TOM1L2: variants seen among roughly 807,000 people sequenced by gnomAD.
TOM1L2 encodes the protein TOM1-like protein 2.
TOM1L2 carries 31 observed loss-of-function variants against 67.9 expected under a neutral mutation model. The ratio of observed to expected loss-of-function variants is 0.46; its 90% CI spans 0.34 to 0.62. The LOEUF (loss-of-function observed/expected upper bound fraction) is 0.62, where lower values mean the gene tolerates loss of function less well. TOM1L2 is among the 20% of genes least tolerant of loss of function. The pLI, the probability that TOM1L2 is intolerant of heterozygous loss-of-function variation, is 0.01. For synonymous variants in TOM1L2, 256 were observed against 254.0 expected (o/e 1.01, Z -0.07); for missense variants, 606 against 663.5 (o/e 0.91, Z 0.95).
intron 1 of TOM1L2, among the ~76,000 whole-genome samples, chr17:17,950,506 C>T (rs1418949471): frequency 6.6e-6 from 1 of 151,878 alleles, no homozygotes; most frequent in African/African-American, 2.4e-5. Flanking sequence ...CTTACCAAGG[C>T]CGGCCTCAAG....
rs746931125 is a variant in TOM1L2 at position 17,930,359 on chromosome 17, T to TA, written c.53-22829dup. Among the ~76,000 whole-genome samples the TA allele has an allele frequency of 1.3e-3, 202 of 151,802 alleles. 1 individual carries two copies. Among genetic ancestry groups the TA allele is most frequent in the Admixed American group, 4.1e-3 (62 of 15,230 alleles). On this transcript the variant is annotated intron_variant, in intron 1 of 14. Transcript: ENST00000379504. ...AATCAGAGACTCTTGTGAAAGTGGT[T>TA]AAAAAAAAGGGGGGTCTGGGAATGT...
chr17:17,920,057 C>T (rs111347018), intron 1 of TOM1L2, among the ~76,000 whole-genome samples: 38 of 152,208 alleles, frequency 2.5e-4, no homozygotes, highest in African/African-American at 8.9e-4. Context: ...CCCTGGCCTC[C>T]ACAATAGACG....
chr17:17,965,081 C>T (rs1258297916), intron 1 of TOM1L2, among the ~76,000 whole-genome samples: 9 of 152,142 alleles, frequency 5.9e-5, no homozygotes, highest in African/African-American at 2.2e-4. Flanking sequence ...TGACATCCCC[C>T]CTCCTTCCCC....
At chr17:17,891,994 G>A (rs553559585) in intron 4 of TOM1L2, among the ~76,000 whole-genome samples, 5 of 152,108 alleles carry the variant, frequency 3.3e-5, no homozygotes, top group Admixed American at 6.5e-5. Flanking sequence ...TCTAGACCCT[G>A]GGGACAGCAT....
intron 1 of TOM1L2, among the ~76,000 whole-genome samples, chr17:17,951,128 G>A (rs553684106): frequency 6.6e-6 from 1 of 152,242 alleles, no homozygotes; most frequent in African/African-American, 2.4e-5. Flanking sequence ...AGAGGCTTCT[G>A]GGATGTCAAT....
intron 12 of TOM1L2, chr17:17,860,112 A>T (rs1259871193): frequency 1.3e-5 from 2 of 152,342 alleles, no homozygotes; most frequent in Admixed American, 1.3e-4. Flanking sequence ...AAATGAGGTC[A>T]GCCTCATAGG....
Position 17,898,611 on chromosome 17 carries a change from C to A in TOM1L2, c.201G>T (p.Val67=), listed in dbSNP as rs1479961029. The A allele has an allele frequency of 3.7e-6, 6 of 1,614,114 alleles. No homozygotes were observed. Among genetic ancestry groups the A allele is most frequent in the Non-Finnish European group, 5.1e-6 (6 of 1,180,046 alleles). ...RLNGNRNYRE[V]MLALTVLETC... Reference sequence around the variant, plus strand: ...TAGCACTCACTGTTAATGCCAGCATCACCTCTCTGTAGTTCCGGTTCCCGT... The same window carrying A: ...TAGCACTCACTGTTAATGCCAGCATAACCTCTCTGTAGTTCCGGTTCCCGT... The change falls in exon 3 of 15, where the codon GTG becomes GTT. Residue 67 remains valine (V), a synonymous_variant. Coordinates refer to ENST00000379504, the MANE Select transcript of TOM1L2 (RefSeq NM_001082968.2).
Position 17,893,828 on chromosome 17 carries a change from G to A in TOM1L2, c.217-18C>T, listed in dbSNP as rs1568190355. On this transcript the variant is annotated intron_variant, in intron 3 of 14. Transcript: ENST00000379504. ...TCCAGCACCTGATGTGGGGAGGGAA[G>A]GAAAAGGGTCACCCCAGTGGGAGCT... The A allele has an allele frequency of 6.2e-7, 1 of 1,611,452 alleles. No homozygotes were observed. Among genetic ancestry groups the A allele is most frequent in the Non-Finnish European group, 8.5e-7 (1 of 1,178,652 alleles).
intron 1 of TOM1L2, among the ~76,000 whole-genome samples, chr17:17,969,938 C>T (rs940739967): frequency 2.6e-5 from 4 of 152,074 alleles, no homozygotes; most frequent in Non-Finnish European, 5.9e-5. Flanking sequence ...GTCACACAGC[C>T]AAGAAATGGG....
intron 7 of TOM1L2, among the ~76,000 whole-genome samples, chr17:17,877,204 T>C (rs898578694): frequency 6.6e-6 from 1 of 152,224 alleles, no homozygotes; most frequent in Middle Eastern, 3.2e-3. Flanking sequence ...TGCTTTGCGA[T>C]GTGCAGGAGG....
Position 17,882,746 on chromosome 17 carries a change from C to T in TOM1L2, c.619G>A (p.Ala207Thr). 1 of 1,614,214 alleles carries T rather than the reference C, an allele frequency of 6.2e-7. No individual in the cohort carries two copies. The highest frequency in any genetic ancestry group is 8.5e-7 in the Non-Finnish European group (1 of 1,180,036). The part of the protein sequence containing the change: ...PAPYSAPQAP[A>T]LSVTGPITAN... ...GTGATGGGGCCAGTCACACTCAGAG[C>T]TGGGGCCTGCGGTGCGGAGTAGGGA... Residue 207 changes from alanine (A) to threonine (T), a missense_variant, in exon 6 of 15, where the codon GCT becomes ACT. Ala to Thr is a moderately conservative substitution (Grantham distance 58). This residue lies in a region of TOM1L2 where 543 missense variants were observed against 554.0 expected (regional missense o/e 0.98). Transcript: ENST00000379504.
chr17:17,857,818 C>G (rs2036327495), intron 12 of TOM1L2: 1 of 1,535,516 alleles, frequency 6.5e-7, no homozygotes, highest in Admixed American at 2.0e-5. Context: ...GTCAGACTCC[C>G]CACCTCTACC....
chr17:17,871,624 T>C (rs2143877547), intron 7 of TOM1L2, among the ~76,000 whole-genome samples: 1 of 152,220 alleles, frequency 6.6e-6, no homozygotes, highest in African/African-American at 2.4e-5. Context: ...TGAGCAGAGA[T>C]TGCACTACTG....
chr17:17,907,920 G>C (rs941329870), intron 1 of TOM1L2, among the ~76,000 whole-genome samples: 5 of 152,166 alleles, frequency 3.3e-5, no homozygotes, highest in African/African-American at 1.2e-4. Context: ...AGGTGCCAAA[G>C]CTAGTGAAAA....
intron 13 of TOM1L2, among the ~76,000 whole-genome samples, chr17:17,850,312 C>A: frequency 6.6e-6 from 1 of 152,142 alleles, no homozygotes; most frequent in Non-Finnish European, 1.5e-5. Context: ...TTTCTTGGGA[C>A]CTGTTGCCAT....
intron 12 of TOM1L2, among the ~76,000 whole-genome samples, chr17:17,852,822 G>A (rs183166875): frequency 7.5e-5 from 10 of 134,066 alleles, no homozygotes; most frequent in East Asian, 6.5e-4. Context: ...CCGAGATCAC[G>A]CCATTGCACT....
intron 7 of TOM1L2, among the ~76,000 whole-genome samples, chr17:17,873,947 TTTAC>T (rs1037294720): frequency 4.6e-5 from 7 of 152,136 alleles, no homozygotes; most frequent in South Asian, 2.1e-4. Context: ...TATTTACTTA[TTTAC>T]TTACTTATTT....
intron 1 of TOM1L2, among the ~76,000 whole-genome samples, chr17:17,947,088 G>C (rs1209466040): frequency 1.3e-5 from 2 of 152,052 alleles, no homozygotes; most frequent in Non-Finnish European, 2.9e-5. Context: ...AGTTATACCA[G>C]CCCTCAGGAC....
intron 6 of TOM1L2, among the ~76,000 whole-genome samples, 163 bp downstream of exon 6, chr17:17,882,542 T>C (rs562615503): frequency 6.6e-6 from 1 of 152,306 alleles, no homozygotes; most frequent in South Asian, 2.1e-4. Flanking sequence ...CAATCCATCA[T>C]GACTTCCTCA....
Sources: gnomAD v4.1 joint callset for allele counts (sites outside exome capture counted in the v4.1 genomes callset) on GRCh38, gnomAD v4.1.1 for gene constraint, gnomAD v4.1.1 regional missense constraint, MANE v1.5 for transcripts, NCBI Gene and HGNC (gene_info 2026-07-23, HGNC 2026-07-21) for gene names.